Variants in COLEC10 observed in about 807,000 individuals in gnomAD.
The protein encoded by COLEC10 is collectin-10.
A neutral mutation model predicts 28.4 loss-of-function variants in COLEC10; 22 were observed. That is an observed-to-expected ratio of 0.78 (90% CI 0.55 to 1.11). The LOEUF (loss-of-function observed/expected upper bound fraction) is 1.11. Ranked by LOEUF, COLEC10 falls within the 50% of genes least tolerant of loss-of-function variation. The pLI is 0.00. For missense variants in COLEC10, 361 were observed against 344.1 expected, an observed-to-expected ratio of 1.05 and a Z score of -0.39; for synonymous variants, 125 against 116.1, an observed-to-expected ratio of 1.08 and a Z score of -0.49.
At chr8:119,043,845 GA>G (rs1448861980) in intron 2 of COLEC10, among the ~76,000 whole-genome samples, 1 of 152,192 alleles carries the variant, frequency 6.6e-6, no homozygotes, top group Non-Finnish European at 1.5e-5. Flanking sequence ...CCGAGTCCAG[GA>G]GAGGACAATG....
chr8:118,956,071 G>A, the COLEC10 span, among the ~76,000 whole-genome samples: 1 of 152,132 alleles, frequency 6.6e-6, no homozygotes, highest in South Asian at 2.1e-4. Flanking sequence ...TTCTGATGAG[G>A]GCCTTCTTCT....
the COLEC10 span, among the ~76,000 whole-genome samples, chr8:118,969,276 A>G: frequency 5.3e-5 from 8 of 151,994 alleles, no homozygotes; most frequent in Admixed American, 2.0e-4. Flanking sequence ...CTTATTTTGA[A>G]CTTGTGGCTT....
intron 1 of COLEC10, among the ~76,000 whole-genome samples, chr8:119,002,789 T>A (rs1246435058): frequency 6.6e-6 from 1 of 152,150 alleles, no homozygotes; most frequent in East Asian, 1.9e-4. Context: ...GGGAAAAGCT[T>A]TGCTAAAATA....
intron 2 of COLEC10, among the ~76,000 whole-genome samples, chr8:119,049,203 G>C (rs960976386): frequency 2.6e-5 from 4 of 151,994 alleles, no homozygotes; most frequent in African/African-American, 9.7e-5. Flanking sequence ...TGAGAGGTCT[G>C]CTGCTATCCT....
At chr8:119,098,394 C>T (rs569551677) in intron 3 of COLEC10, among the ~76,000 whole-genome samples, 1 of 152,046 alleles carries the variant, frequency 6.6e-6, no homozygotes, top group African/African-American at 2.4e-5. Flanking sequence ...AACCTTATTT[C>T]CTTCATGCTA....
chr8:119,057,695 C>T (rs1283979698), intron 2 of COLEC10, among the ~76,000 whole-genome samples: 1 of 152,164 alleles, frequency 6.6e-6, no homozygotes, highest in African/African-American at 2.4e-5. Flanking sequence ...TGAATAAATG[C>T]ACTTTCATTA....
At chr8:119,078,189 C>T (rs546087095) in intron 1 of COLEC10, among the ~76,000 whole-genome samples, 8 of 152,338 alleles carry the variant, frequency 5.3e-5, no homozygotes, top group African/African-American at 1.9e-4. Context: ...GGAGAGGACA[C>T]ACATCAAACC....
chr8:119,025,512 T>A (rs960741047), intron 2 of COLEC10, among the ~76,000 whole-genome samples: 3 of 152,268 alleles, frequency 2.0e-5, no homozygotes, highest in Admixed American at 2.0e-4. Flanking sequence ...GTTCCTGGTG[T>A]TCTTCATAGT....
At chr8:119,052,143 G>A (rs1015435991) in intron 2 of COLEC10, among the ~76,000 whole-genome samples, 3 of 151,948 alleles carry the variant, frequency 2.0e-5, no homozygotes, top group Non-Finnish European at 2.9e-5. Flanking sequence ...TAAAAATATC[G>A]AAGTTTCTCA....
At chr8:119,029,411 A>T (rs1905780) in intron 2 of COLEC10, among the ~76,000 whole-genome samples, 2 of 151,982 alleles carry the variant, frequency 1.3e-5, no homozygotes, top group African/African-American at 2.4e-5. Flanking sequence ...GTCTTTCAAG[A>T]CATGGGTATT....
rs1289572161 is a variant in COLEC10 at position 119,107,226 on chromosome 8, T to C, written c.*1035T>C. Among the ~76,000 whole-genome samples the C allele has an allele frequency of 6.6e-6, 1 of 152,194 alleles. No homozygotes were observed. The highest frequency in any genetic ancestry group is 1.5e-5 in the Non-Finnish European group (1 of 68,036). ...TGGTGACATTTCATGGGAGGCCTTT[T>C]ACTCTTCATAAATATATGTCATAGA... On this transcript the variant is annotated 3_prime_UTR_variant, in exon 6 of 6. Coordinates refer to ENST00000332843, the MANE Select transcript of COLEC10 (RefSeq NM_006438.5).
intron 2 of COLEC10, among the ~76,000 whole-genome samples, chr8:119,012,179 G>A (rs1456409169): frequency 3.3e-5 from 5 of 150,664 alleles, no homozygotes; most frequent in South Asian, 2.1e-4. Flanking sequence ...AATCATTAAC[G>A]GGTGCTGGAT....
At chr8:119,036,507 T>C (rs557321656) in intron 2 of COLEC10, among the ~76,000 whole-genome samples, 2 of 152,336 alleles carry the variant, frequency 1.3e-5, no homozygotes, top group South Asian at 4.1e-4. Flanking sequence ...TTTTGACAGA[T>C]ATAAGTTCTA....
intron 2 of COLEC10, among the ~76,000 whole-genome samples, chr8:119,054,142 G>A (rs1814724830): frequency 6.6e-6 from 1 of 152,072 alleles, no homozygotes; most frequent in Admixed American, 6.6e-5. Context: ...AGAATGGATA[G>A]GCTGGACAAA....
the COLEC10 span, among the ~76,000 whole-genome samples, chr8:118,984,501 A>G: frequency 6.6e-6 from 1 of 152,148 alleles, no homozygotes; most frequent in Non-Finnish European, 1.5e-5. Flanking sequence ...TTAAATAAAT[A>G]AAGATGTAAT....
intron 2 of COLEC10, among the ~76,000 whole-genome samples, chr8:119,049,457 T>TA (rs994928955): frequency 6.3e-5 from 8 of 127,286 alleles, no homozygotes; most frequent in African/African-American, 2.3e-4. Context: ...CTCCATCGCC[T>TA]AGGCTGGAGT....
chr8:119,058,664 T>G (rs1467187320), intron 2 of COLEC10, among the ~76,000 whole-genome samples: 2 of 152,130 alleles, frequency 1.3e-5, no homozygotes, highest in African/African-American at 2.4e-5. Flanking sequence ...GTTTACTCAC[T>G]GCTTGTGGAT....
At chr8:118,986,003 A>C in the COLEC10 span, among the ~76,000 whole-genome samples, 1 of 152,172 alleles carries the variant, frequency 6.6e-6, no homozygotes, top group Non-Finnish European at 1.5e-5. Flanking sequence ...AGAGTGCAGT[A>C]AACAAATGCA....
At chr8:119,100,513 A>C (rs1815802527) in intron 3 of COLEC10, among the ~76,000 whole-genome samples, 1 of 152,186 alleles carries the variant, frequency 6.6e-6, no homozygotes. Context: ...CTAAGGTGTG[A>C]GCAGATTGAT....
Sources: allele counts gnomAD v4.1 joint callset (sites outside exome capture counted in the v4.1 genomes callset), GRCh38; gene constraint gnomAD v4.1.1; transcripts MANE v1.5; gene names NCBI Gene and HGNC (gene_info 2026-07-23, HGNC 2026-07-21).